The following DOCK3 variants were observed in gnomAD, a reference collection of about 807,000 sequenced individuals.
The protein encoded by DOCK3 is dedicator of cytokinesis protein 3.
DOCK3 carries 60 observed loss-of-function variants against 265.6 expected under a neutral mutation model. The ratio of observed to expected loss-of-function variants is 0.23; its 90% CI spans 0.18 to 0.28. The LOEUF is 0.28. Ranked by LOEUF, DOCK3 falls within the 10% of genes least tolerant of loss-of-function variation. The pLI is 1.00. For missense variants in DOCK3, 1,981 were observed against 2,594.3 expected (o/e 0.76, Z 5.14); for synonymous variants, 881 against 938.0 (o/e 0.94, Z 1.11).
intron 5 of DOCK3, among the ~76,000 whole-genome samples, chr3:50,936,790 C>T (rs2051386606): frequency 6.6e-6 from 1 of 151,970 alleles, no homozygotes; most frequent in African/African-American, 2.4e-5. Context: ...CAGATTGGTT[C>T]TAAAAGAATG....
intron 9 of DOCK3, among the ~76,000 whole-genome samples, chr3:51,092,708 T>G (rs1211290046): frequency 6.6e-6 from 1 of 152,012 alleles, no homozygotes; most frequent in Non-Finnish European, 1.5e-5. Context: ...CCCCCATATA[T>G]CCTGACTGGG....
intron 5 of DOCK3, among the ~76,000 whole-genome samples, chr3:50,991,137 A>G (rs138685438): frequency 8.5e-5 from 13 of 152,340 alleles, no homozygotes; most frequent in East Asian, 5.8e-4. Context: ...AAAGACTGCT[A>G]CTAGCTAATA....
intron 4 of DOCK3, among the ~76,000 whole-genome samples, chr3:50,903,531 G>A (rs981111180): frequency 2.0e-5 from 3 of 152,124 alleles, no homozygotes; most frequent in Non-Finnish European, 2.9e-5. Context: ...TGATCATAGT[G>A]GATAAGCTTT....
At chr3:51,061,299 C>T (rs571454447) in intron 5 of DOCK3, among the ~76,000 whole-genome samples, 1 of 152,246 alleles carries the variant, frequency 6.6e-6, no homozygotes, top group Admixed American at 6.5e-5. Context: ...ATAGCAAAGA[C>T]TTGGAACCAA....
intron 1 of DOCK3, among the ~76,000 whole-genome samples, chr3:50,691,915 GTTTT>G (rs568668591): frequency 2.2e-5 from 3 of 135,262 alleles, no homozygotes; most frequent in Non-Finnish European, 4.8e-5. Context: ...AATCTAAAAA[GTTTT>G]TTTTTTTTTT....
At chr3:50,760,534 T>G (rs2040460966) in intron 1 of DOCK3, among the ~76,000 whole-genome samples, 1 of 152,212 alleles carries the variant, frequency 6.6e-6, no homozygotes, top group Admixed American at 6.5e-5. Flanking sequence ...AAATAGGCTT[T>G]GTGTTAGATG....
At chr3:51,276,561 T>C in intron 25 of DOCK3, 1 of 478,052 alleles carries the variant, frequency 2.1e-6, no homozygotes, top group Non-Finnish European at 2.7e-6. Context: ...GTTCGACAGA[T>C]AGGAAAGATG....
chr3:50,827,616 T>C (rs1239995743), intron 2 of DOCK3, among the ~76,000 whole-genome samples: 1 of 152,150 alleles, frequency 6.6e-6, no homozygotes, highest in Non-Finnish European at 1.5e-5. Context: ...ATTAGAATGG[T>C]GCAAAAGTAA....
In DOCK3 at chr3:50,963,632, A is replaced by C. The variant is rs560107186; in HGVS notation, c.315+29555A>C. Among the ~76,000 whole-genome samples the C allele has an allele frequency of 2.6e-4, 40 of 152,344 alleles. No homozygotes were observed. In the East Asian group the frequency reaches 3.7e-3, roughly 14 times the overall value. The stretch of plus-strand genomic sequence containing the variant: ...CACCTGAACAACAGCAACATCACAG[A>C]TAAAATATACTAAATAATGGTTTTA... On this transcript the variant is annotated intron_variant, in intron 5 of 52. Transcript: ENST00000266037.
chr3:51,036,682 AT>A (rs368897520), intron 5 of DOCK3, among the ~76,000 whole-genome samples: 2,630 of 147,000 alleles, frequency 0.018, 51 homozygotes, highest in African/African-American at 0.043. Context: ...GACTAGGTTA[AT>A]TTTTTTTTTT....
At chr3:51,227,630 C>T (rs1473406507) in intron 16 of DOCK3, among the ~76,000 whole-genome samples, 185 bp downstream of exon 16, 1 of 152,280 alleles carries the variant, frequency 6.6e-6, no homozygotes, top group South Asian at 2.1e-4. Flanking sequence ...GATTCAAAAC[C>T]ACAAAGTCTT....
At position 51,254,330 on chromosome 3, in the gene DOCK3, G is replaced by T. The variant is rs1447397244; in HGVS notation, c.2185-5826G>T. ...AATAAGTGCAATGTGGTGCTGAGAA[G>T]AATGTATATTCTTTTGATTTGGGGT... is the stretch of plus-strand genomic sequence containing the variant. On this transcript the variant is annotated intron_variant, in intron 22 of 52. Coordinates refer to ENST00000266037, the MANE Select transcript of DOCK3 (RefSeq NM_004947.5). Among the ~76,000 whole-genome samples, 5 of 152,218 alleles carry T rather than the reference G, an allele frequency of 3.3e-5. No individual in the cohort carries two copies. In the East Asian group the frequency reaches 9.6e-4, roughly 29 times the overall value.
At chr3:51,018,541 A>G (rs2079454185) in intron 5 of DOCK3, among the ~76,000 whole-genome samples, 1 of 151,480 alleles carries the variant, frequency 6.6e-6, no homozygotes, top group African/African-American at 2.4e-5. Flanking sequence ...TCTGTTATGT[A>G]AAATATTTCA....
At chr3:50,761,608 G>A (rs993281458) in intron 1 of DOCK3, among the ~76,000 whole-genome samples, 2 of 151,970 alleles carry the variant, frequency 1.3e-5, no homozygotes, top group Non-Finnish European at 2.9e-5. Context: ...TTTCCCCAAG[G>A]GAAAAATTAC....
chr3:51,020,804 C>G (rs925940967), intron 5 of DOCK3, among the ~76,000 whole-genome samples: 3 of 151,840 alleles, frequency 2.0e-5, no homozygotes, highest in Non-Finnish European at 2.9e-5. Context: ...TTTCTGAGAT[C>G]TCTTTTCTGT....
chr3:50,828,788 A>ACTGCAACCTCTGCCTC (rs1382121112), intron 2 of DOCK3, among the ~76,000 whole-genome samples: 2 of 151,726 alleles, frequency 1.3e-5, no homozygotes, highest in Non-Finnish European at 2.9e-5. Context: ...ATCTCGGCTT[A>ACTGCAACCTCTGCCTC]CTGCAACCTC....
chr3:51,108,206 A>G (rs1364328214), intron 9 of DOCK3, among the ~76,000 whole-genome samples: 1 of 152,118 alleles, frequency 6.6e-6, no homozygotes, highest in Non-Finnish European at 1.5e-5. Flanking sequence ...TTATGTTTCT[A>G]GTAGAGACAG....
At chr3:50,986,345 C>T (rs1006957926) in intron 5 of DOCK3, among the ~76,000 whole-genome samples, 5 of 152,172 alleles carry the variant, frequency 3.3e-5, no homozygotes, top group Non-Finnish European at 5.9e-5. Context: ...TGCTATCTAA[C>T]AAGTTTGCCT....
intron 9 of DOCK3, among the ~76,000 whole-genome samples, chr3:51,124,276 C>G (rs990673477): frequency 6.6e-6 from 1 of 152,160 alleles, no homozygotes; most frequent in African/African-American, 2.4e-5. Context: ...TCAGTGACCC[C>G]TCACAGACCC....
Sources: allele counts gnomAD v4.1 joint callset (sites outside exome capture counted in the v4.1 genomes callset), GRCh38; gene constraint gnomAD v4.1.1; transcripts MANE v1.5; gene names NCBI Gene and HGNC (gene_info 2026-07-23, HGNC 2026-07-21).